SLK: variants seen among roughly 807,000 people sequenced by gnomAD.
SLK encodes the protein STE20 like kinase.
A neutral mutation model predicts 147.7 loss-of-function variants in SLK; 67 were observed. The ratio of observed to expected loss-of-function variants is 0.45; its 90% CI spans 0.37 to 0.56. The LOEUF (loss-of-function observed/expected upper bound fraction) is 0.56. Ranked by LOEUF, SLK falls within the 20% of genes least tolerant of loss-of-function variation. SLK has a pLI of 0.00. For synonymous variants in SLK, 441 were observed against 475.0 expected, an observed-to-expected ratio of 0.93 and a Z score of 0.93; for missense variants, 1,136 against 1,438.8, an observed-to-expected ratio of 0.79 and a Z score of 3.41.
Position 103,999,968 on chromosome 10 carries a change from G to T in SLK, c.864+20G>T. ...CTGCAGGTAAGAGAGTATGACAACA[G>T]CAAATAATATAATTATTTTAACATC... On this transcript the variant is annotated intron_variant, in intron 7 of 18. Transcript: ENST00000369755. The T allele has an allele frequency of 1.9e-6, 2 of 1,069,390 alleles. No individual in the cohort carries two copies. Among genetic ancestry groups the T allele is most frequent in the Non-Finnish European group, 2.7e-6 (2 of 728,778 alleles). The allele number at this position is 1,069,390 out of a possible 1,614,324, so 66.2% of individuals were successfully genotyped here.
intron 9 of SLK, 75 bp downstream of exon 9, chr10:104,003,602 C>A: frequency 8.1e-7 from 1 of 1,233,656 alleles, no homozygotes; most frequent in Non-Finnish European, 1.1e-6. Context: ...AAATTGATGT[C>A]TTGAAAATAA....
chr10:104,010,454 A>G (rs931948272), intron 12 of SLK, among the ~76,000 whole-genome samples: 3 of 152,216 alleles, frequency 2.0e-5, no homozygotes, highest in African/African-American at 4.8e-5. Flanking sequence ...AACTATGTCA[A>G]TAGATACGTT....
chr10:103,986,668 G>GTTCTTTTTT (rs779274060), intron 1 of SLK, among the ~76,000 whole-genome samples: 1 of 97,218 alleles, frequency 1.0e-5, no homozygotes, highest in African/African-American at 4.3e-5. Flanking sequence ...TATGTGAAGA[G>GTTCTTTTTT]TTTTTTTTTT....
chr10:103,983,825 G>A (rs1048901959), intron 1 of SLK, among the ~76,000 whole-genome samples: 22 of 152,100 alleles, frequency 1.4e-4, no homozygotes, highest in Non-Finnish European at 3.1e-4. Flanking sequence ...AGTTTGGGTC[G>A]CAGTCTCACA....
intron 18 of SLK, among the ~76,000 whole-genome samples, chr10:104,024,501 G>C (rs1236351785): frequency 1.3e-5 from 2 of 152,186 alleles, no homozygotes; most frequent in African/African-American, 4.8e-5. Flanking sequence ...TTCCAGCCTT[G>C]GGTATAATGG....
At position 104,010,998 on chromosome 10, in the gene SLK, G is replaced by A. The variant is rs1589543036; in HGVS notation, c.2877+90G>A. 7.2e-6 allele frequency: 5 copies of A among 690,106 alleles called. No individual in the cohort carries two copies. The East Asian group carries it at 1.2e-4, about 17-fold the overall frequency. 42.7% of individuals were successfully genotyped at this position (690,106 alleles called of 1,614,324 possible). ...ATGGTTGAAAGGGTAAATTTTAAGTGTTATTATTATATGATGTTGACTTCT... is the reference window on the plus strand; with the variant it reads ...ATGGTTGAAAGGGTAAATTTTAAGTATTATTATTATATGATGTTGACTTCT... On this transcript the variant is annotated intron_variant, in intron 13 of 18. Transcript: ENST00000369755.
chr10:103,997,104 G>A (rs1169242119), intron 4 of SLK, among the ~76,000 whole-genome samples: 1 of 151,906 alleles, frequency 6.6e-6, no homozygotes, highest in Non-Finnish European at 1.5e-5. Flanking sequence ...CCAGCTTCTG[G>A]CAACCACCAT....
At chr10:104,017,789 CA>C (rs1180093196) in intron 13 of SLK, among the ~76,000 whole-genome samples, 2 of 152,130 alleles carry the variant, frequency 1.3e-5, no homozygotes, top group African/African-American at 4.8e-5. Context: ...ACTTAAAGGG[CA>C]TTTCTTATTT....
Position 103,967,860 on chromosome 10 carries a change from G to C in SLK, c.115G>C (p.Glu39Gln), listed in dbSNP as rs1057510292. 1.6e-5 allele frequency: 26 copies of C among 1,613,346 alleles called. No individual in the cohort carries two copies. The highest frequency in any genetic ancestry group is 2.1e-5 in the Non-Finnish European group (25 of 1,179,800). The change falls in exon 1 of 19, where the codon GAA becomes CAA. Residue 39 changes from glutamate to glutamine, a missense_variant. Glu to Gln is a conservative substitution (Grantham distance 29). This residue lies in a region of SLK where 126 missense variants were observed against 141.3 expected (regional missense o/e 0.89). Coordinates refer to ENST00000369755, the MANE Select transcript of SLK (RefSeq NM_014720.4). ...CGAAGACTTTTGGGAGATTATAGGA[G>C]AACTGGGCGACGGAGCCTTTGGGAA... Reference protein sequence around the residue: ...NPEDFWEIIGELGDGAFGKVY... With the variant: ...NPEDFWEIIGQLGDGAFGKVY...
chr10:104,007,469 A>G (rs1372581910), intron 11 of SLK, among the ~76,000 whole-genome samples: 3 of 152,072 alleles, frequency 2.0e-5, no homozygotes, highest in African/African-American at 7.2e-5. Flanking sequence ...TTAGCTAGGC[A>G]GGATGTCACA....
chr10:104,008,790 T>C (rs917026833), intron 12 of SLK, among the ~76,000 whole-genome samples: 3 of 152,246 alleles, frequency 2.0e-5, no homozygotes, highest in Non-Finnish European at 4.4e-5. Flanking sequence ...TGATTCATTT[T>C]ATTATTTATA....
chr10:104,000,541 A>G lies in SLK; in HGVS notation c.864+593A>G, dbSNP rs535260219. On this transcript the variant is annotated intron_variant, in intron 7 of 18. Transcript: ENST00000369755. ...TGCAGCAAGTATACCCCTGGAACAC[A>G]CTTTCTATTATTATTTTGTTACCCC... 2.0e-5 allele frequency among the ~76,000 whole-genome samples: 3 copies of G among 152,294 alleles called. No individual in the cohort carries two copies. In the South Asian group the frequency reaches 6.2e-4, roughly 32 times the overall value.
chr10:103,972,439 G>A (rs539365353), intron 1 of SLK, among the ~76,000 whole-genome samples: 27 of 152,294 alleles, frequency 1.8e-4, no homozygotes, highest in South Asian at 4.1e-4. Flanking sequence ...TTGGGAGGCC[G>A]AGGCGGGCGG....
At chr10:103,987,591 T>A (rs1774606) in intron 1 of SLK, among the ~76,000 whole-genome samples, 32,481 of 152,114 alleles carry the variant, frequency 0.21, 3,840 homozygotes, top group African/African-American at 0.32. Flanking sequence ...TTATTAACTT[T>A]AAAAAATTTA....
chr10:104,020,371 T>TA, intron 16 of SLK, 117 bp from the exon 17 acceptor site: 1 of 975,930 alleles, frequency 1.0e-6, no homozygotes, highest in South Asian at 1.8e-5. Flanking sequence ...TCTCAGCATA[T>TA]TATTACTTGT....
intron 1 of SLK, among the ~76,000 whole-genome samples, chr10:103,977,511 A>C (rs966011474): frequency 4.6e-5 from 7 of 152,198 alleles, no homozygotes; most frequent in Non-Finnish European, 8.8e-5. Context: ...GCTGCTGGAG[A>C]GGCTGAAGTG....
At position 104,003,315 on chromosome 10, in the gene SLK, A is replaced by G. The variant is rs760922838; in HGVS notation, c.2137A>G (p.Ile713Val). 1.9e-6 allele frequency: 3 copies of G among 1,614,036 alleles called. No individual in the cohort carries two copies. The highest frequency in any genetic ancestry group is 2.5e-6 in the Non-Finnish European group (3 of 1,179,874). Residue 713 changes from isoleucine to valine, a missense_variant, in exon 9 of 19, where the codon ATT becomes GTT. By Grantham distance (29) the Ile-to-Val change is conservative (BLOSUM62 3). Around this residue, in one of 6 missense-constraint regions of SLK, gnomAD observed 516 missense variants for 531.3 expected, o/e 0.97. Coordinates refer to ENST00000369755, the MANE Select transcript of SLK (RefSeq NM_014720.4). ...ACCTCAGCCTGTTCTAATACCCAGTATTAATATCAACTCTGACAGTGGAGA... is the reference window on the plus strand; with the variant it reads ...ACCTCAGCCTGTTCTAATACCCAGTGTTAATATCAACTCTGACAGTGGAGA... ...TEPQPVLIPS[I>V]NINSDSGENK...
Position 104,002,484 on chromosome 10 carries a change from A to C in SLK, c.1306A>C (p.Thr436Pro). ...GCCCAAGCTTGAAAATCTGCCTGAC[A>C]CAGAAGACCAAGAAACTGTGGACAT... ...KRPKLENLPD[T>P]EDQETVDINS... Residue 436 changes from threonine to proline, a missense_variant, in exon 9 of 19, where the codon ACA becomes CCA. Physicochemically the swap from Thr to Pro is conservative, Grantham distance 38. Coordinates refer to ENST00000369755, the MANE Select transcript of SLK (RefSeq NM_014720.4). The C allele has an allele frequency of 6.2e-7, 1 of 1,613,836 alleles. No homozygotes were observed.
intron 1 of SLK, among the ~76,000 whole-genome samples, chr10:103,987,766 A>G (rs1039236849): frequency 1.2e-4 from 19 of 152,324 alleles, no homozygotes; most frequent in South Asian, 6.2e-4. Flanking sequence ...TTCATTTATA[A>G]TAAATGATGG....
Sources: allele counts gnomAD v4.1 joint callset (sites outside exome capture counted in the v4.1 genomes callset), GRCh38; gene constraint gnomAD v4.1.1; regional missense constraint gnomAD v4.1.1; transcripts MANE v1.5; gene names NCBI Gene and HGNC (gene_info 2026-07-23, HGNC 2026-07-21).